ANO1: variants seen among roughly 807,000 people sequenced by gnomAD.
ANO1 encodes anoctamin-1.
Under a neutral mutation model 124.0 loss-of-function variants are expected in ANO1, and 59 were observed. The ratio of observed to expected loss-of-function variants is 0.48; its 90% CI spans 0.39 to 0.59. ANO1 has a LOEUF of 0.59. ANO1 is among the 20% of genes least tolerant of loss of function. The pLI is 0.00. For missense variants in ANO1, 1,059 were observed against 1,328.0 expected (o/e 0.80, Z 3.15); for synonymous variants, 529 against 532.0 (o/e 0.99, Z 0.08).
chr11:70,150,284 A>G (rs2135631116), intron 12 of ANO1, among the ~76,000 whole-genome samples: 1 of 152,252 alleles, frequency 6.6e-6, no homozygotes, highest in Admixed American at 6.5e-5. Flanking sequence ...ATCCTTTACT[A>G]ACATAGAGGG....
rs973590629 is a variant in ANO1 at position 70,105,877 on chromosome 11, G to A, written c.747+89G>A. 243 of 1,315,130 alleles carry A rather than the reference G, an allele frequency of 1.8e-4. 1 individual carries two copies. Among genetic ancestry groups the A allele is most frequent in the Admixed American group, 3.6e-4 (20 of 55,040 alleles). 81.5% of individuals were successfully genotyped at this position (1,315,130 alleles called of 1,614,324 possible). A position where few individuals can be genotyped will look rare whatever the true frequency, so the allele number is the denominator to read the frequency against. ...ATTTCATTTTGGTGAAACTCCTCCC[G>A]GTGGAAGCCGGCTCTAATTGTCTGT... is the stretch of plus-strand genomic sequence containing the variant. On this transcript the variant is annotated intron_variant, in intron 5 of 25. Coordinates refer to ENST00000355303, the MANE Select transcript of ANO1 (RefSeq NM_018043.7).
At chr11:70,149,881 G>T (rs1302091200) in intron 12 of ANO1, 89 bp downstream of exon 12, 2 of 1,446,912 alleles carry the variant, frequency 1.4e-6, no homozygotes, top group Admixed American at 3.9e-5. Flanking sequence ...GGAGGCCCGA[G>T]GTCAGAAAGC....
Position 70,087,980 on chromosome 11 carries a change from G to C in ANO1, c.337G>C (p.Gly113Arg). 1 of 1,579,028 alleles carries C rather than the reference G, an allele frequency of 6.3e-7. No homozygotes were observed. The highest frequency in any genetic ancestry group is 8.6e-7 in the Non-Finnish European group (1 of 1,161,356). Residue 113 changes from glycine (G) to arginine (R), a missense_variant, in exon 2 of 26, where the codon GGG becomes CGG. This residue lies in a region of ANO1 where 250 missense variants were observed against 233.1 expected (regional missense o/e 1.07). Coordinates refer to ENST00000355303, the MANE Select transcript of ANO1 (RefSeq NM_018043.7). ...GGGGGCGTCGCTGGATGCAGGCTCG[G>C]GGGAGCCCCCGATGGACTACCACGA... ...GKGASLDAGSGEPPMDYHEDD... is the reference protein window; with the variant it reads ...GKGASLDAGSREPPMDYHEDD...
chr11:69,987,968 GT>G (rs1856080698), intron 1 of ANO1, among the ~76,000 whole-genome samples: 1 of 152,156 alleles, frequency 6.6e-6, no homozygotes, highest in Non-Finnish European at 1.5e-5. Context: ...TCGGCTGTGT[GT>G]GGGGTGGAAT....
At chr11:70,054,929 C>T (rs1294020750) in intron 1 of ANO1, among the ~76,000 whole-genome samples, 2 of 152,142 alleles carry the variant, frequency 1.3e-5, no homozygotes, top group Non-Finnish European at 2.9e-5. Flanking sequence ...TATGATGATA[C>T]CATAATACGA....
chr11:69,983,685 G>T (rs910358721), upstream of ANO1, among the ~76,000 whole-genome samples: 1 of 152,194 alleles, frequency 6.6e-6, no homozygotes, highest in Admixed American at 6.5e-5. Flanking sequence ...AATAGCAGCC[G>T]AGAGCAATCT....
In ANO1 at chr11:70,182,495, T is replaced by C. The variant is rs749914309; in HGVS notation, c.2404-7T>C. 3.7e-5 allele frequency: 58 copies of C among 1,562,346 alleles called. No homozygotes were observed. Among genetic ancestry groups the C allele is most frequent in the African/African-American group, 5.4e-5 (4 of 73,438 alleles). On this transcript the variant is annotated splice_polypyrimidine_tract_variant and splice_region_variant and intron_variant, in intron 23 of 25. Coordinates refer to ENST00000355303, the MANE Select transcript of ANO1 (RefSeq NM_018043.7). The stretch of plus-strand genomic sequence containing the variant: ...GGGTCCCCCTCACTGCCATGTCCCC[T>C]GCACAGGCCTTCGTGATCTCCTTCA...
At chr11:70,033,375 T>C (rs1555004027) in intron 1 of ANO1, among the ~76,000 whole-genome samples, 1 of 152,200 alleles carries the variant, frequency 6.6e-6, no homozygotes, top group Non-Finnish European at 1.5e-5. Context: ...CATTCATGAT[T>C]CACTTCGCCA....
chr11:70,099,193 T>C (rs1193616321), intron 2 of ANO1, among the ~76,000 whole-genome samples: 2 of 152,104 alleles, frequency 1.3e-5, no homozygotes, highest in African/African-American at 2.4e-5. Flanking sequence ...GGGCGCTGGC[T>C]GGGGGCGAAG....
chr11:70,087,789 G>A lies in ANO1; in HGVS notation c.146G>A (p.Cys49Tyr). The A allele has an allele frequency of 6.2e-7, 1 of 1,611,106 alleles. No individual in the cohort carries two copies. ...NSLSVDPDAE[C>Y]KYGLYFRDGR... ...TTATCTGTGGACCCTGATGCCGAGT[G>A]CAAGTATGGCCTGTACTTCAGGGAC... Residue 49 changes from cysteine to tyrosine, a missense_variant, in exon 2 of 26, where the codon TGC becomes TAC. Coordinates refer to ENST00000355303, the MANE Select transcript of ANO1 (RefSeq NM_018043.7).
intron 1 of ANO1, among the ~76,000 whole-genome samples, chr11:70,042,541 G>A (rs1857200519): frequency 6.7e-6 from 1 of 150,360 alleles, no homozygotes; most frequent in South Asian, 2.2e-4. Flanking sequence ...GAGAGAGATT[G>A]AGAGATTGAG....
intron 22 of ANO1, among the ~76,000 whole-genome samples, chr11:70,174,433 A>G (rs2048606777): frequency 6.6e-6 from 1 of 152,068 alleles, no homozygotes; most frequent in African/African-American, 2.4e-5. Flanking sequence ...GCTTTTAGGG[A>G]CAAGTGAGAA....
At chr11:70,171,328 C>T (rs11235473) in intron 22 of ANO1, among the ~76,000 whole-genome samples, 45,554 of 152,058 alleles carry the variant, frequency 0.3, 7,958 homozygotes, top group East Asian at 0.52. Flanking sequence ...TTAGGAGGTA[C>T]AAGAGACTAC....
At chr11:70,043,181 C>A (rs933327330) in intron 1 of ANO1, among the ~76,000 whole-genome samples, 15 of 152,164 alleles carry the variant, frequency 9.9e-5, no homozygotes, top group Non-Finnish European at 2.1e-4. Context: ...CCAAATGGAA[C>A]TCCTATGGTT....
intron 1 of ANO1, among the ~76,000 whole-genome samples, chr11:69,988,901 A>G (rs1856099150): frequency 1.3e-5 from 2 of 150,850 alleles, no homozygotes; most frequent in African/African-American, 4.9e-5. Context: ...CACCAAGTGA[A>G]GGAGGGAGGG....
At chr11:69,967,180 T>C in the ANO1 span, among the ~76,000 whole-genome samples, 213 of 19,372 alleles carry the variant, frequency 0.011, 1 homozygote, top group South Asian at 0.11. Context: ...CATCAGGCTC[T>C]GAGCGCCCGT....
chr11:70,123,002 A>C (rs2046356590), intron 8 of ANO1, among the ~76,000 whole-genome samples: 1 of 152,200 alleles, frequency 6.6e-6, no homozygotes, highest in South Asian at 2.1e-4. Context: ...AAGGAAACGC[A>C]CTGATGCAGA....
chr11:70,133,445 A>G (rs1031343985), intron 11 of ANO1, among the ~76,000 whole-genome samples: 1 of 152,146 alleles, frequency 6.6e-6, no homozygotes, highest in East Asian at 1.9e-4. Flanking sequence ...GGAAACCTAG[A>G]GGAGGTTCAG....
At chr11:70,017,434 CTTCCTTCCTTCA>C (rs1163623187) in intron 1 of ANO1, among the ~76,000 whole-genome samples, 1 of 151,156 alleles carries the variant, frequency 6.6e-6, no homozygotes, top group Non-Finnish European at 1.5e-5. Flanking sequence ...TTCTTCCTTC[CTTCCTTCCTTCA>C]TTCCTTCCTT....
Sources: allele counts gnomAD v4.1 joint callset (sites outside exome capture counted in the v4.1 genomes callset), GRCh38; gene constraint gnomAD v4.1.1; regional missense constraint gnomAD v4.1.1; transcripts MANE v1.5; gene names NCBI Gene and HGNC (gene_info 2026-07-23, HGNC 2026-07-21).